NPIPB4: variants seen among roughly 807,000 people sequenced by gnomAD.
The protein encoded by NPIPB4 is nuclear pore complex-interacting protein family member B4.
For missense variants in NPIPB4, 105 were observed against 513.7 expected (o/e 0.20, Z 7.69); for synonymous variants, 31 against 194.1 (o/e 0.16, Z 6.99).
intron 5 of NPIPB4, among the ~76,000 whole-genome samples, chr16:21,840,531 C>A (rs1901677501): frequency 6.6e-6 from 1 of 150,540 alleles, no homozygotes; most frequent in Non-Finnish European, 1.5e-5. Context: ...AGATTCCCCC[C>A]TGCAACCTTC....
At chr16:21,840,534 C>T (rs1002901982) in intron 5 of NPIPB4, among the ~76,000 whole-genome samples, 1 of 150,538 alleles carries the variant, frequency 6.6e-6, no homozygotes. Context: ...TTCCCCCCTG[C>T]AACCTTCCCA....
intron 4 of NPIPB4, 48 bp downstream of exon 4, chr16:21,843,643 TTTC>T: frequency 2.9e-5 from 36 of 1,233,298 alleles, no homozygotes; most frequent in Non-Finnish European, 3.9e-5. Context: ...GTTCTTTCCC[TTTC>T]CAGGGCAAAC....
Position 21,850,014 on chromosome 16 carries a change from C to A in NPIPB4, c.121-2473G>T, listed in dbSNP as rs1364435604. On this transcript the variant is annotated intron_variant, in intron 2 of 7. Coordinates refer to ENST00000682606, the MANE Select transcript of NPIPB4 (RefSeq NM_001384980.1). ...TGGTGGTTCACGCCTGTAATCCCAACGCTTTGGGAGGCCGAGGCGGGCGGA... is the reference window on the plus strand; with the variant it reads ...TGGTGGTTCACGCCTGTAATCCCAAAGCTTTGGGAGGCCGAGGCGGGCGGA... Among the ~76,000 whole-genome samples the A allele has an allele frequency of 1.1e-4, 6 of 53,576 alleles. No individual in the cohort carries two copies. The East Asian group carries it at 2.1e-3, about 19-fold the overall frequency. 35.1% of individuals were successfully genotyped at this position (53,576 alleles called of 152,430 possible).
intron 2 of NPIPB4, chr16:21,851,734 T>TC: frequency 2.0e-6 from 1 of 488,842 alleles, no homozygotes; most frequent in Non-Finnish European, 3.6e-6. Flanking sequence ...CCCACACTCC[T>TC]CCCAAAGACA....
chr16:21,842,824 TAAAAAAAAAAA>T, intron 5 of NPIPB4, among the ~76,000 whole-genome samples: 1 of 45,288 alleles, frequency 2.2e-5, no homozygotes, highest in African/African-American at 8.4e-5. Flanking sequence ...ATCGCAAAAT[TAAAAAAAAAAA>T]AAAAAAAAAA....
chr16:21,843,125 GAA>G (rs878919179), intron 5 of NPIPB4, among the ~76,000 whole-genome samples: 73 of 106,358 alleles, frequency 6.9e-4, no homozygotes, highest in South Asian at 1.6e-3. Context: ...TCCATCTCAG[GAA>G]AAAAAAAAAA....
chr16:21,842,009 G>A (rs972191403), intron 5 of NPIPB4, among the ~76,000 whole-genome samples: 12 of 151,546 alleles, frequency 7.9e-5, no homozygotes, highest in African/African-American at 1.5e-4. Flanking sequence ...CTGCACCGAC[G>A]ACTTCAATTG....
chr16:21,851,312 G>A, intron 2 of NPIPB4: 3 of 147,508 alleles, frequency 2.0e-5, no homozygotes, highest in Non-Finnish European at 3.4e-5. Context: ...GGGAGGGGAA[G>A]GGGGGAAGTA....
At chr16:21,850,509 C>A (rs1191456310) in intron 2 of NPIPB4, among the ~76,000 whole-genome samples, 20 of 151,730 alleles carry the variant, frequency 1.3e-4, no homozygotes, top group Non-Finnish European at 2.6e-4. Context: ...ATTAGCCAGG[C>A]GTGGTGGTCT....
rs779430823 is a variant in NPIPB4 at position 21,846,004 on chromosome 16, G to A, written c.249+1409C>T. On this transcript the variant is annotated intron_variant, in intron 3 of 7. Coordinates refer to ENST00000682606, the MANE Select transcript of NPIPB4 (RefSeq NM_001384980.1). ...AGCCTGGCCAACATGGTAAAACCCC[G>A]ACTCTACTAAAAATACAAAAATTAG... Among the ~76,000 whole-genome samples, 38 of 138,976 alleles carry A rather than the reference G, an allele frequency of 2.7e-4. 2 individuals carry two copies. The highest frequency in any genetic ancestry group is 4.1e-4 in the Non-Finnish European group (27 of 65,418). The allele number at this position is 138,976 out of a possible 152,430, so 91.2% of individuals were successfully genotyped here.
At chr16:21,850,381 G>A (rs1214358504) in intron 2 of NPIPB4, among the ~76,000 whole-genome samples, 10 of 151,220 alleles carry the variant, frequency 6.6e-5, no homozygotes, top group East Asian at 3.9e-4. Flanking sequence ...GGCCAGGCGC[G>A]GTGGCTCACG....
At chr16:21,845,897 CT>C (rs1902090616) in intron 3 of NPIPB4, among the ~76,000 whole-genome samples, 1 of 135,700 alleles carries the variant, frequency 7.4e-6, no homozygotes, top group African/African-American at 2.8e-5. Flanking sequence ...CTTCCCCTGG[CT>C]CACGTGGTGG....
In NPIPB4 at chr16:21,836,422, T is replaced by A; in HGVS notation, c.1965A>T (p.Arg655Ser). 1.5e-6 allele frequency: 2 copies of A among 1,303,518 alleles called. No individual in the cohort carries two copies. The highest frequency in any genetic ancestry group is 5.0e-5 in the East Asian group (2 of 40,150). 80.7% of individuals were successfully genotyped at this position (1,303,518 alleles called of 1,614,324 possible). The change falls in exon 8 of 8, where the codon AGA (arginine) becomes AGT (serine). Residue 655 changes from arginine to serine, a missense_variant. By Grantham distance (110) the Arg-to-Ser change is moderately radical (BLOSUM62 -1). Coordinates refer to ENST00000682606, the MANE Select transcript of NPIPB4 (RefSeq NM_001384980.1). ...QLHPQQMIIS[R>S]YLLSVCGFRF... ...GGAATCCGCAGACGCTCAGCAGGTA[T>A]CTTGATATTATCATCTGCTGAGGGT...
At chr16:21,845,878 AT>A (rs1221840186) in intron 3 of NPIPB4, among the ~76,000 whole-genome samples, 1 of 129,632 alleles carries the variant, frequency 7.7e-6, no homozygotes, top group African/African-American at 3.0e-5. Flanking sequence ...AAAGTGGTAA[AT>A]TTAAAAACTT....
chr16:21,851,229 G>GGAC (rs1902486353), intron 2 of NPIPB4: 1 of 186,222 alleles, frequency 5.4e-6, no homozygotes, highest in Non-Finnish European at 9.0e-6. Context: ...GGAGGGAAGG[G>GGAC]GACGGGGACC....
chr16:21,849,512 T>A, intron 2 of NPIPB4, among the ~76,000 whole-genome samples: 1 of 49,532 alleles, frequency 2.0e-5, no homozygotes. Flanking sequence ...GTGGAGATCA[T>A]GAAAATGGCA....
chr16:21,843,139 A>G, intron 5 of NPIPB4, among the ~76,000 whole-genome samples: 1 of 129,690 alleles, frequency 7.7e-6, no homozygotes, highest in African/African-American at 2.9e-5. Context: ...AAAAAAAAAA[A>G]AAAAAGAGAA....
chr16:21,842,038 C>A (rs916195165), intron 5 of NPIPB4, among the ~76,000 whole-genome samples: 2 of 151,278 alleles, frequency 1.3e-5, no homozygotes, highest in Non-Finnish European at 2.9e-5. Context: ...ATGGAGGACC[C>A]CTGACCATCC....
At chr16:21,850,483 TACTAAAA>T in intron 2 of NPIPB4, among the ~76,000 whole-genome samples, 1 of 152,114 alleles carries the variant, frequency 6.6e-6, no homozygotes, top group East Asian at 1.9e-4. Flanking sequence ...ACCCCATCTC[TACTAAAA>T]ACACAAAAAT....
Sources: gnomAD v4.1 joint callset for allele counts (sites outside exome capture counted in the v4.1 genomes callset) on GRCh38, gnomAD v4.1.1 for gene constraint, MANE v1.5 for transcripts, NCBI Gene and HGNC (gene_info 2026-07-23, HGNC 2026-07-21) for gene names.